The following CPNE5 variants were observed in gnomAD, a reference collection of about 807,000 sequenced individuals.
The protein encoded by CPNE5 is copine 5.
In CPNE5, 42 loss-of-function variants were observed where a neutral mutation model predicts 81.1. The ratio of observed to expected loss-of-function variants is 0.52; its 90% CI spans 0.40 to 0.67. CPNE5 has a LOEUF of 0.67. Ranked by LOEUF, CPNE5 falls within the 30% of genes least tolerant of loss-of-function variation. The pLI is 0.00. For missense variants in CPNE5, 612 were observed against 815.5 expected, an observed-to-expected ratio of 0.75 and a Z score of 3.04; for synonymous variants, 313 against 321.5, an observed-to-expected ratio of 0.97 and a Z score of 0.28.
chr6:36,792,190 C>T (rs769894412), intron 7 of CPNE5, 94 bp from the exon 8 acceptor site: 227 of 1,292,444 alleles, frequency 1.8e-4, no homozygotes, highest in South Asian at 2.2e-4. Context: ...CATCCTCCCC[C>T]GCCCCCTACC....
intron 3 of CPNE5, among the ~76,000 whole-genome samples, chr6:36,819,347 G>C (rs1001220333): frequency 2.0e-5 from 3 of 152,238 alleles, no homozygotes; most frequent in African/African-American, 7.2e-5. Flanking sequence ...TGATCTGCCT[G>C]CCTCTGCCTC....
intron 14 of CPNE5, among the ~76,000 whole-genome samples, chr6:36,749,354 G>C (rs1201681907): frequency 6.6e-6 from 1 of 152,142 alleles, no homozygotes; most frequent in East Asian, 1.9e-4. Context: ...CACAGCCTAT[G>C]GCTCTTGCCT....
intron 10 of CPNE5, among the ~76,000 whole-genome samples, chr6:36,772,879 T>C (rs1441107874): frequency 6.6e-6 from 1 of 152,012 alleles, no homozygotes; most frequent in African/African-American, 2.4e-5. Context: ...TGAGACAGCA[T>C]CCCAAGCTGG....
intron 3 of CPNE5, among the ~76,000 whole-genome samples, chr6:36,809,039 A>C (rs572354619): frequency 6.6e-6 from 1 of 151,900 alleles, no homozygotes; most frequent in East Asian, 1.9e-4. Flanking sequence ...TAGTTTCTCT[A>C]CTCCCTAGCG....
intron 1 of CPNE5, chr6:36,838,727 C>T (rs1773753939): frequency 1.0e-6 from 1 of 977,466 alleles, no homozygotes; most frequent in Non-Finnish European, 1.2e-6. Flanking sequence ...TGATCCTTTT[C>T]CAGGAGTCGA....
At chr6:36,787,260 A>G (rs1768645327) in intron 8 of CPNE5, among the ~76,000 whole-genome samples, 1 of 152,124 alleles carries the variant, frequency 6.6e-6, no homozygotes, top group Non-Finnish European at 1.5e-5. Context: ...TTGGAAAAAC[A>G]AAAGTTTTGA....
intron 1 of CPNE5, among the ~76,000 whole-genome samples, chr6:36,833,080 AC>A (rs1256131487): frequency 7.2e-5 from 11 of 152,216 alleles, no homozygotes; most frequent in African/African-American, 2.6e-4. Context: ...GGTCACACCT[AC>A]CATAGTTGGT....
At chr6:36,781,822 C>CA (rs1328660052) in intron 8 of CPNE5, among the ~76,000 whole-genome samples, 1 of 152,206 alleles carries the variant, frequency 6.6e-6, no homozygotes, top group Non-Finnish European at 1.5e-5. Context: ...ACACAGGCCA[C>CA]ACGCCTCTGC....
At chr6:36,839,636 G>C (rs1773849294), upstream of CPNE5, 1 of 415,528 alleles carries the variant, frequency 2.4e-6, no homozygotes, top group South Asian at 5.6e-5. The surrounding 1 kb of genome is among the most constrained non-coding windows in gnomAD (Gnocchi z 7.3). Context: ...AAGGAGCCCA[G>C]GGAGCGGGGG....
chr6:36,801,822 G>A (rs763893169), intron 3 of CPNE5, among the ~76,000 whole-genome samples: 8 of 152,154 alleles, frequency 5.3e-5, no homozygotes, highest in Non-Finnish European at 1.0e-4. Context: ...AGGGGGAGTT[G>A]TTTATGGGTA....
At chr6:36,782,814 AAAAC>A (rs1768148326) in intron 8 of CPNE5, among the ~76,000 whole-genome samples, 1 of 101,196 alleles carries the variant, frequency 9.9e-6, no homozygotes, top group South Asian at 3.1e-4. Flanking sequence ...AACAAAAACC[AAAAC>A]ACACACACAC....
intron 1 of CPNE5, among the ~76,000 whole-genome samples, chr6:36,834,803 G>A (rs1342352877): frequency 1.3e-5 from 2 of 152,098 alleles, no homozygotes; most frequent in African/African-American, 4.8e-5. Context: ...GTATTCAATG[G>A]TTAAATGGAC....
At chr6:36,805,546 G>A (rs893388897) in intron 3 of CPNE5, among the ~76,000 whole-genome samples, 2 of 152,336 alleles carry the variant, frequency 1.3e-5, no homozygotes, top group South Asian at 4.1e-4. Flanking sequence ...GAGCCCTAGA[G>A]AATTGTTAGG....
chr6:36,800,135 G>T, intron 3 of CPNE5, 65 bp from the exon 4 acceptor site: 10 of 1,152,910 alleles, frequency 8.7e-6, no homozygotes, highest in Non-Finnish European at 1.3e-5. Flanking sequence ...TGGGGCAGGG[G>T]AGAGCACTGG....
In CPNE5 at chr6:36,777,766, CCACACACACACACACACA is replaced by C. The variant is rs34423091; in HGVS notation, c.632+1070_632+1087del. ...GCTCCCCTGCCTACCCCCCCCCCCA[CCACACACACACACACACA>C]CACACACACACACACACAATTTCAA... On this transcript the variant is annotated intron_variant, in intron 9 of 20. Coordinates refer to ENST00000244751, the MANE Select transcript of CPNE5 (RefSeq NM_020939.2). Among the ~76,000 whole-genome samples the C allele has an allele frequency of 6.4e-5, 7 of 109,552 alleles. No individual in the cohort carries two copies. The East Asian group carries it at 1.7e-3, about 26-fold the overall frequency. The allele number at this position is 109,552 out of a possible 152,430, so 71.9% of individuals were successfully genotyped here.
rs114445768 is a variant in CPNE5 at position 36,755,967 on chromosome 6, A to T, written c.909+278T>A. The T allele has an allele frequency of 4.3e-3, 2,089 of 490,300 alleles. 22 individuals are homozygous for T. The highest frequency in any genetic ancestry group is 0.018 in the African/African-American group (908 of 49,138). The allele number at this position is 490,300 out of a possible 1,614,324, so 30.4% of individuals were successfully genotyped here. A position where few individuals can be genotyped will look rare whatever the true frequency, so the allele number is the denominator to read the frequency against. On this transcript the variant is annotated intron_variant, in intron 13 of 20. Coordinates refer to ENST00000244751, the MANE Select transcript of CPNE5 (RefSeq NM_020939.2). ...CCAGGGTAGGGGCCCAATAAATACG[A>T]CTTCTCTTCCTCTTCCTTCCTGCAG...
At chr6:36,744,863 C>T (rs1464290135) in intron 18 of CPNE5, among the ~76,000 whole-genome samples, 185 bp downstream of exon 18, 1 of 152,100 alleles carries the variant, frequency 6.6e-6, no homozygotes, top group Non-Finnish European at 1.5e-5. Flanking sequence ...CCGGACTCTG[C>T]AGCCAGAGGC....
intron 1 of CPNE5, chr6:36,827,733 G>A (rs943468572): frequency 1.1e-5 from 11 of 985,416 alleles, no homozygotes; most frequent in Non-Finnish European, 1.2e-5. Context: ...CCAAAAGCCT[G>A]GGGGAGGAAA....
chr6:36,830,327 A>G (rs901161634), intron 1 of CPNE5, among the ~76,000 whole-genome samples: 2 of 152,140 alleles, frequency 1.3e-5, no homozygotes, highest in Non-Finnish European at 2.9e-5. Context: ...GCTCCCAAAC[A>G]AACGACTGAA....
Sources: allele counts gnomAD v4.1 joint callset (sites outside exome capture counted in the v4.1 genomes callset), GRCh38; gene constraint gnomAD v4.1.1; non-coding constraint Gnocchi (gnomAD v3.1); transcripts MANE v1.5; gene names NCBI Gene and HGNC (gene_info 2026-07-23, HGNC 2026-07-21).